ZCWPW1: variants seen among roughly 807,000 people sequenced by gnomAD.
The protein encoded by ZCWPW1 is zinc finger CW-type and PWWP domain containing 1.
ZCWPW1 carries 56 observed loss-of-function variants against 81.3 expected under a neutral mutation model. The ratio of observed to expected loss-of-function variants is 0.69; its 90% CI spans 0.56 to 0.86. ZCWPW1 has a LOEUF of 0.86. ZCWPW1 is among the 40% of genes least tolerant of loss of function. The pLI, the probability that ZCWPW1 is intolerant of heterozygous loss-of-function variation, is 0.00. For synonymous variants in ZCWPW1, 250 were observed against 273.7 expected (o/e 0.91, Z 0.86); for missense variants, 650 against 769.8 (o/e 0.84, Z 1.84).
chr7:100,404,336 C>G (rs1792537080), intron 13 of ZCWPW1, 92 bp from the exon 14 acceptor site: 12 of 1,173,884 alleles, frequency 1.0e-5, no homozygotes, highest in Non-Finnish European at 1.2e-5. Flanking sequence ...TGATGAAATT[C>G]TGATTCATTT....
At chr7:100,409,099 T>C (rs1793664019) in intron 9 of ZCWPW1, among the ~76,000 whole-genome samples, 1 of 152,162 alleles carries the variant, frequency 6.6e-6, no homozygotes, top group Non-Finnish European at 1.5e-5. Flanking sequence ...CAGATCTCTC[T>C]CGTCTGTTTT....
chr7:100,415,102 T>A (rs1331297919), intron 8 of ZCWPW1, among the ~76,000 whole-genome samples: 7 of 127,238 alleles, frequency 5.5e-5, no homozygotes, highest in Non-Finnish European at 1.0e-4. Context: ...TTTTTTTTTT[T>A]AGACAGAGTC....
At position 100,401,309 on chromosome 7, in the gene ZCWPW1, T is replaced by C. The variant is rs1242831718; in HGVS notation, c.1655A>G (p.Gln552Arg). ...PGPKKKFKAP[Q>R]SKALAASFSE... ...AAAGCTGGCTGCCAAGGCCTTGCTC[T>C]GGGGAGCTTTAAATTTTTTCTTAGG... The change falls in exon 18 of 18, where the codon CAG becomes CGG. Residue 552 changes from glutamine to arginine, a missense_variant. Physicochemically the swap from Gln to Arg is conservative, Grantham distance 43 (BLOSUM62 1). Transcript: ENST00000684423. The C allele has an allele frequency of 3.2e-6, 5 of 1,561,530 alleles. No homozygotes were observed. Among genetic ancestry groups the C allele is most frequent in the Non-Finnish European group, 4.3e-6 (5 of 1,157,396 alleles).
chr7:100,406,366 G>A (rs1356233535), intron 12 of ZCWPW1, among the ~76,000 whole-genome samples: 4 of 152,072 alleles, frequency 2.6e-5, no homozygotes, highest in African/African-American at 7.2e-5. Context: ...AAATTATCTC[G>A]CCCGAAATGC....
chr7:100,420,644 C>T lies in ZCWPW1; in HGVS notation c.6G>A (p.Met2Ile). The T allele has an allele frequency of 6.2e-7, 1 of 1,614,074 alleles. No individual in the cohort carries two copies. ...CACCTTCTTTATTCTGCAACGTTGT[C>T]ATCATTCAGCTTAGAAACTACGCTT... M[M>I]TTLQNKEECG... Residue 2 changes from methionine to isoleucine, a missense_variant, in exon 3 of 18, where the codon ATG (methionine) becomes ATA (isoleucine). By Grantham distance (10) the Met-to-Ile change is conservative (BLOSUM62 1). Transcript: ENST00000684423.
At chr7:100,410,432 A>G (rs1170348034) in intron 8 of ZCWPW1, among the ~76,000 whole-genome samples, 1 of 152,086 alleles carries the variant, frequency 6.6e-6, no homozygotes, top group African/African-American at 2.4e-5. Context: ...TCAGGCTGGC[A>G]TTATCATTGC....
chr7:100,428,266 G>A (rs1478117031), intron 1 of ZCWPW1, among the ~76,000 whole-genome samples: 2 of 152,132 alleles, frequency 1.3e-5, no homozygotes, highest in Non-Finnish European at 2.9e-5. Flanking sequence ...AAAGGCACGA[G>A]GACGCCCTGA....
intron 9 of ZCWPW1, among the ~76,000 whole-genome samples, chr7:100,408,982 A>G (rs1793631904): frequency 6.6e-6 from 1 of 152,054 alleles, no homozygotes; most frequent in South Asian, 2.1e-4. Context: ...CACCATAAGA[A>G]TAATTTCTCT....
rs756575257 is a variant in ZCWPW1, at chr7:100,401,232, A to C, written c.1732T>G (p.Cys578Gly). ...GCAGATGAGGGGCAGGCCCCCTTAC[A>C]CGCTGATAGGCCCAGGTTCTTTGGC... Reference protein sequence around the residue: ...TVPKNLGLSACKGACPSSAKE... With the variant: ...TVPKNLGLSAGKGACPSSAKE... Residue 578 changes from cysteine to glycine, a missense_variant, in exon 18 of 18, where the codon TGT becomes GGT. By Grantham distance (159) the Cys-to-Gly change is radical. Coordinates refer to ENST00000684423, the MANE Select transcript of ZCWPW1 (RefSeq NM_001386010.1). 3.5e-5 allele frequency: 56 copies of C among 1,614,078 alleles called. No individual in the cohort carries two copies. The highest frequency in any genetic ancestry group is 3.4e-5 in the Non-Finnish European group (40 of 1,180,026).
chr7:100,407,057 G>A (rs1793161738), intron 11 of ZCWPW1, among the ~76,000 whole-genome samples, 171 bp downstream of exon 11: 1 of 152,104 alleles, frequency 6.6e-6, no homozygotes, highest in Non-Finnish European at 1.5e-5. Flanking sequence ...ATACAAGTTT[G>A]TTTCTATTAT....
chr7:100,402,392 T>C (rs758212056), intron 16 of ZCWPW1, 124 bp downstream of exon 16: 33 of 1,063,536 alleles, frequency 3.1e-5, no homozygotes, highest in Non-Finnish European at 3.8e-5. Flanking sequence ...TGGGTGAGTG[T>C]TGCCTGTTTT....
intron 15 of ZCWPW1, among the ~76,000 whole-genome samples, chr7:100,403,312 T>C (rs1792304631): frequency 1.3e-5 from 2 of 151,340 alleles, no homozygotes; most frequent in Non-Finnish European, 1.5e-5. Context: ...GCCTCCCAGG[T>C]TCAAGCGATT....
chr7:100,402,505 G>A lies in ZCWPW1; in HGVS notation c.1474+11C>T. 1 of 1,613,902 alleles carries A rather than the reference G, an allele frequency of 6.2e-7. No homozygotes were observed. Among genetic ancestry groups the A allele is most frequent in the Non-Finnish European group, 8.5e-7 (1 of 1,179,918 alleles). On this transcript the variant is annotated intron_variant, in intron 16 of 17. Transcript: ENST00000684423. The stretch of plus-strand genomic sequence containing the variant: ...TGTGGGTTGTGCTCCATTTCCAGCT[G>A]GCCTGCTTACCTCTTGGCTTGGTTT...
intron 2 of ZCWPW1, among the ~76,000 whole-genome samples, chr7:100,422,305 A>G (rs1796501380): frequency 6.6e-6 from 1 of 152,254 alleles, no homozygotes; most frequent in Non-Finnish European, 1.5e-5. Context: ...CACAGCACAC[A>G]CAGAAAACAT....
At chr7:100,419,481 G>T in intron 4 of ZCWPW1, 149 bp downstream of exon 4, 1 of 1,224,206 alleles carries the variant, frequency 8.2e-7, no homozygotes, top group Non-Finnish European at 1.1e-6. Flanking sequence ...ACCTCTTTGA[G>T]AAAAAAAAAA....
At position 100,420,536 on chromosome 7, in the gene ZCWPW1, C is replaced by T. The variant is rs368747610; in HGVS notation, c.28+86G>A. 45 of 1,531,810 alleles carry T rather than the reference C, an allele frequency of 2.9e-5. No individual in the cohort carries two copies. In the African/African-American group the frequency reaches 5.6e-4, roughly 19 times the overall value. The allele number at this position is 1,531,810 out of a possible 1,614,324, so 94.9% of individuals were successfully genotyped here. On this transcript the variant is annotated intron_variant, in intron 3 of 17. Coordinates refer to ENST00000684423, the MANE Select transcript of ZCWPW1 (RefSeq NM_001386010.1). ...CTGAGTGGGCACAGAATATAGGGACCCGTACCATCCTTTGGTGGAAAGGAT... is the reference window on the plus strand; with the variant it reads ...CTGAGTGGGCACAGAATATAGGGACTCGTACCATCCTTTGGTGGAAAGGAT...
At chr7:100,414,956 A>T (rs60738304) in intron 8 of ZCWPW1, among the ~76,000 whole-genome samples, 5 of 150,312 alleles carry the variant, frequency 3.3e-5, no homozygotes, top group Non-Finnish European at 7.4e-5. Flanking sequence ...ACCCGGGAGG[A>T]GAAGGTTGCA....
intron 8 of ZCWPW1, among the ~76,000 whole-genome samples, chr7:100,411,701 A>G (rs1257694420): frequency 6.6e-6 from 1 of 152,170 alleles, no homozygotes; most frequent in African/African-American, 2.4e-5. Flanking sequence ...GTAGGAGGAG[A>G]GGCCAGGAGT....
At chr7:100,424,088 A>G (rs1368185027) in intron 2 of ZCWPW1, among the ~76,000 whole-genome samples, 4 of 151,438 alleles carry the variant, frequency 2.6e-5, no homozygotes, top group Non-Finnish European at 4.4e-5. Flanking sequence ...AAAAAAAAAA[A>G]GACTGGGTAA....
Sources: allele counts gnomAD v4.1 joint callset (sites outside exome capture counted in the v4.1 genomes callset), GRCh38; gene constraint gnomAD v4.1.1; transcripts MANE v1.5; gene names NCBI Gene and HGNC (gene_info 2026-07-23, HGNC 2026-07-21).